The following TMEM132D variants were observed in gnomAD, a reference collection of about 807,000 sequenced individuals.
TMEM132D encodes the protein transmembrane protein 132D, also known as mature OL transmembrane protein.
A neutral mutation model predicts 62.3 loss-of-function variants in TMEM132D; 21 were observed. That is an observed-to-expected ratio of 0.34 (90% confidence interval 0.24 to 0.49). TMEM132D has a LOEUF of 0.49. Among genes scored for constraint, TMEM132D ranks in the 20% least tolerant of loss-of-function variants. The pLI, the probability that TMEM132D is intolerant of heterozygous loss-of-function variation, is 0.99. For missense variants in TMEM132D, 1,346 were observed against 1,402.8 expected, an observed-to-expected ratio of 0.96 and a Z score of 0.65; for synonymous variants, 621 against 575.6, an observed-to-expected ratio of 1.08 and a Z score of -1.13.
intron 4 of TMEM132D, among the ~76,000 whole-genome samples, chr12:129,316,402 C>T (rs553829081): frequency 6.6e-6 from 1 of 152,108 alleles, no homozygotes; most frequent in African/African-American, 2.4e-5. Context: ...TTGTTTTTGA[C>T]CCAATGCTCA....
intron 5 of TMEM132D, among the ~76,000 whole-genome samples, chr12:129,177,797 T>C (rs1306903970): frequency 6.6e-6 from 1 of 152,208 alleles, no homozygotes; most frequent in Non-Finnish European, 1.5e-5. Flanking sequence ...TGGGTACATG[T>C]GCAGGATGTG....
chr12:129,782,247 C>T lies in TMEM132D; in HGVS notation c.80-81549G>A, dbSNP rs117450741. Among the ~76,000 whole-genome samples, 58 of 152,256 alleles carry T rather than the reference C, an allele frequency of 3.8e-4. No individual in the cohort carries two copies. In the East Asian group the frequency reaches 0.01, roughly 27 times the overall value. On this transcript the variant is annotated intron_variant, in intron 1 of 8. Transcript: ENST00000422113. ...TGAAAATTTCCTTTGAGCACCACGTCGGCACTCAAGAAGTTTCCAGTTTTG... is the reference window on the plus strand; with the variant it reads ...TGAAAATTTCCTTTGAGCACCACGTTGGCACTCAAGAAGTTTCCAGTTTTG...
chr12:129,790,629 G>C (rs984470342), intron 1 of TMEM132D, among the ~76,000 whole-genome samples: 32 of 152,120 alleles, frequency 2.1e-4, no homozygotes, highest in Non-Finnish European at 4.3e-4. Context: ...AGGATGGGGG[G>C]GCAGGGCAGG....
rs113995833 is a variant in TMEM132D at position 129,390,452 on chromosome 12, C to A, written c.1116-52635G>T. The stretch of plus-strand genomic sequence containing the variant: ...TATGGCAAGCTGGCTGGAGTCCACA[C>A]TCCTAACCAGAAACAGCTTTCTGAT... On this transcript the variant is annotated intron_variant, in intron 3 of 8. Coordinates refer to ENST00000422113, the MANE Select transcript of TMEM132D (RefSeq NM_133448.3). 2.1e-4 allele frequency among the ~76,000 whole-genome samples: 32 copies of A among 152,210 alleles called. No individual in the cohort carries two copies. The East Asian group carries it at 6.2e-3, about 29-fold the overall frequency.
chr12:129,813,439 T>C (rs1032325970), intron 1 of TMEM132D, among the ~76,000 whole-genome samples: 1 of 151,504 alleles, frequency 6.6e-6, no homozygotes, highest in African/African-American at 2.4e-5. Flanking sequence ...CAGGCAGTAA[T>C]GGATGCCAGT....
chr12:129,829,402 T>C (rs1027151507), intron 1 of TMEM132D, among the ~76,000 whole-genome samples: 15 of 152,150 alleles, frequency 9.9e-5, no homozygotes, highest in African/African-American at 3.6e-4. Context: ...ATTCCACTAC[T>C]GAGTACAGCA....
chr12:129,533,622 GTT>G (rs1321189063), intron 2 of TMEM132D, among the ~76,000 whole-genome samples: 2 of 152,198 alleles, frequency 1.3e-5, no homozygotes, highest in African/African-American at 4.8e-5. Context: ...TTCAGATGAT[GTT>G]TCTCCAATGA....
At chr12:129,875,576 A>G (rs925672942) in intron 1 of TMEM132D, among the ~76,000 whole-genome samples, 1 of 152,110 alleles carries the variant, frequency 6.6e-6, no homozygotes, top group African/African-American at 2.4e-5. Context: ...TTAAAGGGAG[A>G]CACACGGACA....
At chr12:129,266,947 C>A (rs769666667) in intron 4 of TMEM132D, among the ~76,000 whole-genome samples, 1 of 152,116 alleles carries the variant, frequency 6.6e-6, no homozygotes, top group African/African-American at 2.4e-5. Context: ...TTTTACCCAG[C>A]ACCAGAATGA....
intron 5 of TMEM132D, among the ~76,000 whole-genome samples, chr12:129,128,014 A>G (rs1031468731): frequency 2.0e-5 from 3 of 152,144 alleles, no homozygotes; most frequent in Non-Finnish European, 4.4e-5. Context: ...AGGCATGAAG[A>G]GTTTCCCGGG....
At chr12:129,843,628 C>A (rs1873268217) in intron 1 of TMEM132D, among the ~76,000 whole-genome samples, 1 of 152,176 alleles carries the variant, frequency 6.6e-6, no homozygotes. Context: ...GGGACACAGG[C>A]AGGAAGGGAC....
At chr12:129,401,772 C>T (rs1871630651) in intron 3 of TMEM132D, among the ~76,000 whole-genome samples, 1 of 152,048 alleles carries the variant, frequency 6.6e-6, no homozygotes, top group Non-Finnish European at 1.5e-5. Flanking sequence ...AGTCTGTGTG[C>T]CCTTCTCTCC....
chr12:129,433,075 G>C (rs533662708), intron 3 of TMEM132D, among the ~76,000 whole-genome samples: 2 of 152,256 alleles, frequency 1.3e-5, no homozygotes, highest in South Asian at 4.2e-4. Context: ...TGTCTCTGAG[G>C]CTCATCCATC....
intron 3 of TMEM132D, among the ~76,000 whole-genome samples, chr12:129,484,364 G>A (rs78238300): frequency 6.6e-6 from 1 of 152,102 alleles, no homozygotes; most frequent in African/African-American, 2.4e-5. Flanking sequence ...TTGTCCAAGG[G>A]TAACTTTATA....
At chr12:129,390,999 C>A (rs1871275119) in intron 3 of TMEM132D, among the ~76,000 whole-genome samples, 1 of 152,218 alleles carries the variant, frequency 6.6e-6, no homozygotes, top group Non-Finnish European at 1.5e-5. Context: ...CACACTCATG[C>A]ATATCTAGCA....
At chr12:129,711,020 A>G (rs1389266850) in intron 1 of TMEM132D, among the ~76,000 whole-genome samples, 1 of 152,008 alleles carries the variant, frequency 6.6e-6, no homozygotes, top group Non-Finnish European at 1.5e-5. Flanking sequence ...TCCACTCTCT[A>G]GGCTTCGATT....
At chr12:129,708,902 G>A (rs902882059) in intron 1 of TMEM132D, among the ~76,000 whole-genome samples, 9 of 152,196 alleles carry the variant, frequency 5.9e-5, no homozygotes, top group East Asian at 1.9e-4. Flanking sequence ...TAGATAATAC[G>A]TTGAAAAACC....
intron 3 of TMEM132D, among the ~76,000 whole-genome samples, chr12:129,393,643 A>G (rs1871347978): frequency 6.6e-6 from 1 of 152,154 alleles, no homozygotes; most frequent in African/African-American, 2.4e-5. Flanking sequence ...CACCTCCCCT[A>G]AGAAACTTTT....
intron 5 of TMEM132D, among the ~76,000 whole-genome samples, chr12:129,087,213 C>T (rs891398860): frequency 7.2e-5 from 11 of 152,078 alleles, no homozygotes; most frequent in South Asian, 2.1e-4. Flanking sequence ...GTATAAGCAA[C>T]GTCATGTAGG....
Sources: gnomAD v4.1 joint callset for allele counts (sites outside exome capture counted in the v4.1 genomes callset) on GRCh38, gnomAD v4.1.1 for gene constraint, MANE v1.5 for transcripts, NCBI Gene and HGNC (gene_info 2026-07-23, HGNC 2026-07-21) for gene names.